Variants in C5orf63 observed in about 807,000 individuals in gnomAD.
C5orf63 encodes glutaredoxin-like protein C5orf63.
C5orf63 carries 18 observed loss-of-function variants against 13.3 expected under a neutral mutation model. That is an observed-to-expected ratio of 1.36 (90% CI 0.94 to 2.01). C5orf63 has a LOEUF of 2.01. Among genes scored for constraint, C5orf63 ranks in the 30% most tolerant of loss-of-function variants. The pLI, the probability that C5orf63 is intolerant of heterozygous loss-of-function variation, is 0.00. For synonymous variants in C5orf63, 38 were observed against 44.7 expected (o/e 0.85, Z 0.60); for missense variants, 118 against 127.7 (o/e 0.92, Z 0.36).
At chr5:127,048,446 A>G (rs1031119821), downstream of C5orf63, among the ~76,000 whole-genome samples, 3 of 152,114 alleles carry the variant, frequency 2.0e-5, no homozygotes, top group Non-Finnish European at 4.4e-5. Flanking sequence ...TTCGCTTTCC[A>G]GTGAGTCCAA....
downstream of C5orf63, chr5:127,047,616 C>T: frequency 1.5e-6 from 1 of 666,616 alleles, no homozygotes; most frequent in Non-Finnish European, 2.7e-6. Context: ...GGGATACCTT[C>T]AGAAAGCATC....
chr5:127,057,085 A>C (rs546163753), intron 3 of C5orf63, among the ~76,000 whole-genome samples: 19 of 152,352 alleles, frequency 1.2e-4, no homozygotes, highest in African/African-American at 4.6e-4. Context: ...ACCAGCCTTA[A>C]GGGATTATTT....
chr5:127,068,348 G>C (rs190275794), intron 2 of C5orf63, among the ~76,000 whole-genome samples: 68 of 152,196 alleles, frequency 4.5e-4, no homozygotes, highest in African/African-American at 1.6e-3. Context: ...TATAGATCCA[G>C]GCAGAAGTGT....
At chr5:127,048,436 T>A (rs1753574570), downstream of C5orf63, among the ~76,000 whole-genome samples, 1 of 152,132 alleles carries the variant, frequency 6.6e-6, no homozygotes, top group Non-Finnish European at 1.5e-5. Flanking sequence ...AGGACATACA[T>A]TCGCTTTCCA....
In C5orf63 at chr5:127,058,875, T is replaced by C; in HGVS notation, c.114+7A>G. 2 of 1,514,700 alleles carry C rather than the reference T, an allele frequency of 1.3e-6. No individual in the cohort carries two copies. Among genetic ancestry groups the C allele is most frequent in the Non-Finnish European group, 1.8e-6 (2 of 1,127,642 alleles). The allele number at this position is 1,514,700 out of a possible 1,614,324, so 93.8% of individuals were successfully genotyped here. A position where few individuals can be genotyped will look rare whatever the true frequency, so the allele number is the denominator to read the frequency against. ...TCACCCAACAATTTTACTTTTTCAC[T>C]TTGTACCTTTGTGAATAAGGTCAAC... On this transcript the variant is annotated splice_region_variant and intron_variant, in intron 3 of 4. Coordinates refer to ENST00000296662, the MANE Select transcript of C5orf63 (RefSeq NM_001164478.2).
intron 2 of C5orf63, among the ~76,000 whole-genome samples, chr5:127,065,261 G>C (rs1754282884): frequency 6.6e-6 from 1 of 152,132 alleles, no homozygotes; most frequent in Non-Finnish European, 1.5e-5. Context: ...AATAAGGGTT[G>C]ATCCCAACCC....
downstream of C5orf63, chr5:127,044,393 T>C (rs1440598176): frequency 6.6e-6 from 1 of 152,162 alleles, no homozygotes; most frequent in African/African-American, 2.4e-5. Flanking sequence ...TTGTAGACTT[T>C]AGAATTCAGA....
chr5:127,049,656 G>T (rs1202455301), downstream of C5orf63, among the ~76,000 whole-genome samples: 4 of 152,188 alleles, frequency 2.6e-5, no homozygotes, highest in African/African-American at 9.7e-5. Context: ...GTGCTTCAAT[G>T]CTGTAAGGAC....
At chr5:127,046,688 G>C (rs971111645), downstream of C5orf63, 2 of 152,220 alleles carry the variant, frequency 1.3e-5, no homozygotes, top group Non-Finnish European at 2.9e-5. Flanking sequence ...CTATAGATTT[G>C]GTCAGCCAAC....
chr5:127,069,025 A>G (rs1186269970), intron 2 of C5orf63, among the ~76,000 whole-genome samples: 2 of 152,176 alleles, frequency 1.3e-5, no homozygotes, highest in Non-Finnish European at 2.9e-5. Flanking sequence ...CATATTCCAA[A>G]TTCAGAGTGT....
At chr5:127,069,313 T>C (rs1165418238) in intron 2 of C5orf63, among the ~76,000 whole-genome samples, 4 of 152,220 alleles carry the variant, frequency 2.6e-5, no homozygotes, top group Non-Finnish European at 4.4e-5. Flanking sequence ...ACGATATCTC[T>C]TATACTTAAT....
intron 2 of C5orf63, among the ~76,000 whole-genome samples, chr5:127,068,217 A>G (rs1231639253): frequency 6.6e-6 from 1 of 152,200 alleles, no homozygotes; most frequent in Non-Finnish European, 1.5e-5. Context: ...AGGGGAAATC[A>G]CATGCTAAAC....
downstream of C5orf63, chr5:127,047,279 TTATATAAA>T (rs1753539637): frequency 6.4e-6 from 1 of 155,904 alleles, no homozygotes; most frequent in Non-Finnish European, 1.4e-5. Flanking sequence ...AAGTTAATCT[TTATATAAA>T]AACAAATTGA....
intron 2 of C5orf63, among the ~76,000 whole-genome samples, chr5:127,069,883 T>C (rs1754469836): frequency 6.6e-6 from 1 of 152,192 alleles, no homozygotes; most frequent in East Asian, 1.9e-4. Flanking sequence ...TTAAAGTCTT[T>C]CATACTATAT....
chr5:127,058,854 C>A (rs1183070094), intron 3 of C5orf63, 28 bp downstream of exon 3: 1 of 1,406,046 alleles, frequency 7.1e-7, no homozygotes, highest in Non-Finnish European at 9.7e-7. Flanking sequence ...CTTTCTTCAC[C>A]CAACAATTTT....
chr5:127,071,095 G>T (rs1330974887), intron 2 of C5orf63, among the ~76,000 whole-genome samples: 3 of 152,154 alleles, frequency 2.0e-5, no homozygotes, highest in Admixed American at 2.0e-4. Flanking sequence ...CTGAGCATTT[G>T]CAATGTGCCA....
chr5:127,073,294 A>G (rs73783529), intron 1 of C5orf63, 157 bp downstream of exon 1: 15,011 of 152,154 alleles, frequency 0.099, 1,197 homozygotes, highest in African/African-American at 0.22. Flanking sequence ...TCCCCCAAGT[A>G]GTTCATGGAT....
chr5:127,053,347 G>T (rs1008463465), intron 3 of C5orf63, among the ~76,000 whole-genome samples: 1 of 151,374 alleles, frequency 6.6e-6, no homozygotes, highest in Non-Finnish European at 1.5e-5. Flanking sequence ...ACTATGGATC[G>T]TCGGCAGATT....
intron 2 of C5orf63, among the ~76,000 whole-genome samples, chr5:127,068,157 A>G (rs905164077): frequency 1.3e-5 from 2 of 152,134 alleles, no homozygotes; most frequent in African/African-American, 4.8e-5. Context: ...TAGAAACCCA[A>G]AGGAACTGTG....
Sources: allele counts gnomAD v4.1 joint callset (sites outside exome capture counted in the v4.1 genomes callset), GRCh38; gene constraint gnomAD v4.1.1; transcripts MANE v1.5; gene names NCBI Gene and HGNC (gene_info 2026-07-23, HGNC 2026-07-21).